The following PI4KA variants were observed in gnomAD, a reference collection of about 807,000 sequenced individuals.
PI4KA encodes phosphatidylinositol 4-kinase alpha.
Under a neutral mutation model 271.4 loss-of-function variants are expected in PI4KA, and 122 were observed. The observed-to-expected ratio is 0.45, with a 90% CI of 0.39 to 0.52. The LOEUF (loss-of-function observed/expected upper bound fraction) is 0.52. PI4KA is among the 20% of genes least tolerant of loss of function. The pLI is 0.00. For missense variants in PI4KA, 1,969 were observed against 2,769.1 expected (o/e 0.71, Z 6.48); for synonymous variants, 1,041 against 1,078.8 (o/e 0.96, Z 0.69).
intron 39 of PI4KA, among the ~76,000 whole-genome samples, chr22:20,728,157 A>C (rs1927591698): frequency 1.3e-5 from 2 of 152,210 alleles, no homozygotes. Context: ...TGGATACCCC[A>C]TTCTCCAAGA....
intron 19 of PI4KA, chr22:20,780,057 C>T (rs1933643243): frequency 6.2e-7 from 1 of 1,614,002 alleles, no homozygotes; most frequent in Non-Finnish European, 8.5e-7. Context: ...TGCTGAGGCC[C>T]AGATAGCTGA....
At chr22:20,761,718 C>T (rs1931990588) in intron 22 of PI4KA, among the ~76,000 whole-genome samples, 1 of 151,806 alleles carries the variant, frequency 6.6e-6, no homozygotes, top group Non-Finnish European at 1.5e-5. Context: ...CATACCCATT[C>T]GATGACACAT....
intron 41 of PI4KA, 40 bp downstream of exon 41, chr22:20,727,190 A>G (rs772290360): frequency 2.8e-5 from 44 of 1,578,234 alleles, no homozygotes; most frequent in Admixed American, 1.4e-4. Context: ...CCCTCCCAAC[A>G]GTCCTACCAG....
chr22:20,832,639 G>C (rs762804559), intron 3 of PI4KA, among the ~76,000 whole-genome samples: 6 of 151,914 alleles, frequency 3.9e-5, no homozygotes, highest in Non-Finnish European at 8.8e-5. Flanking sequence ...ATTTTTAGTA[G>C]AGATGGGGTT....
At chr22:20,743,996 G>A (rs1161526541) in intron 30 of PI4KA, among the ~76,000 whole-genome samples, 3 of 152,202 alleles carry the variant, frequency 2.0e-5, no homozygotes, top group African/African-American at 7.2e-5. Context: ...AGAGCTTGCA[G>A]TGAGCCAAGA....
At position 20,729,319 on chromosome 22, in the gene PI4KA, G is replaced by A; in HGVS notation, c.4676C>T (p.Pro1559Leu). ...SISPYLAVQL[P>L]ARFKNTEAIG... ...GTGGTGCCCGGGGGCCCACCTGGCA[G>A]GCAGCTGCACGGCTAGGTAGGGAGA... Residue 1559 changes from proline to leucine, a missense_variant, in exon 39 of 55, where the codon CCT becomes CTT. Transcript: ENST00000255882. 2 of 1,612,856 alleles carry A rather than the reference G, an allele frequency of 1.2e-6. No individual in the cohort carries two copies. Among genetic ancestry groups the A allele is most frequent in the Non-Finnish European group, 1.7e-6 (2 of 1,179,354 alleles).
In PI4KA at chr22:20,758,049, C is replaced by A. The variant is rs369093178; in HGVS notation, c.2791+3255G>T. Among the ~76,000 whole-genome samples the A allele has an allele frequency of 4.6e-5, 7 of 152,050 alleles. No individual in the cohort carries two copies. In the South Asian group the frequency reaches 1.2e-3, roughly 27 times the overall value. ...CAGGATGGCTTTCAATGTGGCCCAA[C>A]ACAAATTTGTAAACTTAAACATTAT... is the stretch of plus-strand genomic sequence containing the variant. On this transcript the variant is annotated intron_variant, in intron 23 of 54. Coordinates refer to ENST00000255882, the MANE Select transcript of PI4KA (RefSeq NM_058004.4).
rs1028581350 is a variant in PI4KA, at chr22:20,799,805, A to C, written c.1725-39T>G. The stretch of plus-strand genomic sequence containing the variant: ...AAACCCATGTGGCACTGAGGCATCA[A>C]ACCAAGATAGGTTTTTTGTTTTTTA... On this transcript the variant is annotated intron_variant, in intron 14 of 54. Transcript: ENST00000255882. 22 of 1,286,026 alleles carry C rather than the reference A, an allele frequency of 1.7e-5. No individual in the cohort carries two copies. The Admixed American group carries it at 2.4e-4, about 14-fold the overall frequency. The allele number at this position is 1,286,026 out of a possible 1,614,324, so 79.7% of individuals were successfully genotyped here.
At chr22:20,795,213 T>C (rs1934909491) in intron 18 of PI4KA, among the ~76,000 whole-genome samples, 1 of 152,070 alleles carries the variant, frequency 6.6e-6, no homozygotes, top group Non-Finnish European at 1.5e-5. Context: ...CTTTATTAAA[T>C]GCCTAAACAC....
intron 29 of PI4KA, 150 bp from the exon 30 acceptor site, chr22:20,744,870 C>G (rs1320393698): frequency 1.9e-6 from 1 of 523,916 alleles, no homozygotes; most frequent in East Asian, 3.0e-5. Flanking sequence ...GTTAATAAAG[C>G]AAAATATTTT....
chr22:20,715,780 G>A (rs1010797389), intron 45 of PI4KA, among the ~76,000 whole-genome samples: 3 of 152,020 alleles, frequency 2.0e-5, no homozygotes, highest in Admixed American at 6.6e-5. Flanking sequence ...GGCCAACATT[G>A]TTTCTTTATG....
At chr22:20,737,283 CAGTT>C (rs942872752) in intron 32 of PI4KA, among the ~76,000 whole-genome samples, 2 of 152,226 alleles carry the variant, frequency 1.3e-5, no homozygotes, top group Non-Finnish European at 2.9e-5. Context: ...CTGGGAAAAG[CAGTT>C]AGGCTCCCAG....
At chr22:20,739,348 A>C (rs1929126993) in intron 32 of PI4KA, among the ~76,000 whole-genome samples, 1 of 151,524 alleles carries the variant, frequency 6.6e-6, no homozygotes, top group African/African-American at 2.4e-5. Context: ...CAAAAAAAAA[A>C]AACAAAAAAA....
chr22:20,783,088 T>G (rs1188280041), intron 19 of PI4KA, among the ~76,000 whole-genome samples: 1 of 152,158 alleles, frequency 6.6e-6, no homozygotes, highest in Non-Finnish European at 1.5e-5. Flanking sequence ...ACAGGAAAGG[T>G]GCTGAGAAGA....
chr22:20,819,554 T>G (rs749314713), intron 6 of PI4KA, 87 bp downstream of exon 6: 22 of 1,244,786 alleles, frequency 1.8e-5, no homozygotes, highest in Admixed American at 2.2e-5. Context: ...TTAAGTTTAC[T>G]CCAACTACAA....
At chr22:20,711,946 T>C (rs1464090291) in intron 50 of PI4KA, among the ~76,000 whole-genome samples, 1 of 151,988 alleles carries the variant, frequency 6.6e-6, no homozygotes, top group Non-Finnish European at 1.5e-5. Flanking sequence ...GGTTTCACCA[T>C]GTTGGTCAGG....
intron 27 of PI4KA, 53 bp from the exon 28 acceptor site, chr22:20,750,047 TGC>T: frequency 4.2e-6 from 5 of 1,177,860 alleles, no homozygotes; most frequent in Non-Finnish European, 6.4e-6. Flanking sequence ...TCATCTGAGC[TGC>T]CGTAGTGACT....
At chr22:20,824,271 G>T in intron 4 of PI4KA, 55 bp downstream of exon 4, 1 of 1,076,496 alleles carries the variant, frequency 9.3e-7, no homozygotes, top group Non-Finnish European at 1.4e-6. Flanking sequence ...TCATCACTTT[G>T]GGACTCTATT....
intron 19 of PI4KA, among the ~76,000 whole-genome samples, chr22:20,770,238 A>C (rs165589): frequency 0.99 from 149,822 of 150,806 alleles, 74,428 homozygotes; most frequent in Middle Eastern, 1. Context: ...GCTAGCCGGG[A>C]GCAGTGGCTC....
Sources: allele counts gnomAD v4.1 joint callset (sites outside exome capture counted in the v4.1 genomes callset), GRCh38; gene constraint gnomAD v4.1.1; transcripts MANE v1.5; gene names NCBI Gene and HGNC (gene_info 2026-07-23, HGNC 2026-07-21).